CHST11: variants seen among roughly 807,000 people sequenced by gnomAD.
The protein encoded by CHST11 is C4S-1.
Under a neutral mutation model 30.4 loss-of-function variants are expected in CHST11, and 9 were observed. The ratio of observed to expected loss-of-function variants is 0.30; its 90% confidence interval spans 0.18 to 0.52. CHST11 has a LOEUF of 0.52. Among genes scored for constraint, CHST11 ranks in the 20% least tolerant of loss-of-function variants. The pLI, the probability that CHST11 is intolerant of heterozygous loss-of-function variation, is 0.97. For synonymous variants in CHST11, 152 were observed against 187.8 expected, an observed-to-expected ratio of 0.81 and a Z score of 1.56; for missense variants, 348 against 460.6, an observed-to-expected ratio of 0.76 and a Z score of 2.24.
chr12:104,750,403 G>A (rs1416357760), intron 2 of CHST11, among the ~76,000 whole-genome samples: 1 of 91,850 alleles, frequency 1.1e-5, no homozygotes, highest in Non-Finnish European at 2.3e-5. Flanking sequence ...ACTTGTAGTT[G>A]TGTACCTGGT....
intron 2 of CHST11, among the ~76,000 whole-genome samples, chr12:104,743,788 C>T (rs1008907937): frequency 1.4e-4 from 21 of 152,088 alleles, no homozygotes; most frequent in African/African-American, 4.8e-4. Flanking sequence ...CCAAAAGGCC[C>T]CACTGAGTGT....
At chr12:104,483,905 A>G (rs572430646) in intron 1 of CHST11, among the ~76,000 whole-genome samples, 1 of 152,092 alleles carries the variant, frequency 6.6e-6, no homozygotes, top group Non-Finnish European at 1.5e-5. Flanking sequence ...GTGGGGACGT[A>G]GTCTCTGTAG....
At chr12:104,545,377 C>T (rs1427506614) in intron 1 of CHST11, among the ~76,000 whole-genome samples, 2 of 152,186 alleles carry the variant, frequency 1.3e-5, no homozygotes, top group African/African-American at 4.8e-5. Flanking sequence ...ATCATTTCGG[C>T]CTTCCCTTGT....
chr12:104,530,697 A>T (rs1053153775), intron 1 of CHST11, among the ~76,000 whole-genome samples: 1 of 152,222 alleles, frequency 6.6e-6, no homozygotes. Context: ...TCCACTGAAG[A>T]TGTCTTGAAT....
intron 1 of CHST11, among the ~76,000 whole-genome samples, chr12:104,517,032 C>T (rs2038031086): frequency 6.6e-6 from 1 of 152,106 alleles, no homozygotes; most frequent in Non-Finnish European, 1.5e-5. Flanking sequence ...CATTCTCTTT[C>T]CCCCCTTCCA....
chr12:104,512,007 T>C (rs1207359343), intron 1 of CHST11, among the ~76,000 whole-genome samples: 1 of 152,222 alleles, frequency 6.6e-6, no homozygotes, highest in Non-Finnish European at 1.5e-5. Flanking sequence ...ATAACTAATA[T>C]AATGTAAATG....
At chr12:104,538,571 A>T in intron 1 of CHST11, among the ~76,000 whole-genome samples, 1 of 152,168 alleles carries the variant, frequency 6.6e-6, no homozygotes, top group East Asian at 1.9e-4. Flanking sequence ...AACTTTGCCC[A>T]TCCATACCTT....
intron 1 of CHST11, among the ~76,000 whole-genome samples, chr12:104,598,103 T>C (rs931604167): frequency 3.3e-5 from 5 of 152,224 alleles, no homozygotes; most frequent in Admixed American, 6.5e-5. Flanking sequence ...GCTGCCACCA[T>C]CTGGGCCTTG....
intron 2 of CHST11, among the ~76,000 whole-genome samples, chr12:104,627,550 A>C (rs1459370037): frequency 3.9e-5 from 6 of 152,232 alleles, no homozygotes; most frequent in Non-Finnish European, 5.9e-5. Flanking sequence ...CAGGTTATTC[A>C]ACAAGCGCAG....
At chr12:104,738,527 G>A (rs1023464866) in intron 2 of CHST11, among the ~76,000 whole-genome samples, 6 of 152,200 alleles carry the variant, frequency 3.9e-5, no homozygotes, top group Non-Finnish European at 8.8e-5. Flanking sequence ...GGCCTGGTCT[G>A]GCCTTCCTGA....
At chr12:104,497,321 C>T (rs2037808029) in intron 1 of CHST11, among the ~76,000 whole-genome samples, 1 of 152,198 alleles carries the variant, frequency 6.6e-6, no homozygotes, top group African/African-American at 2.4e-5. Context: ...CACGGAGGCA[C>T]CACGGTTGTG....
chr12:104,720,173 C>T (rs2136125923), intron 2 of CHST11, among the ~76,000 whole-genome samples: 1 of 152,380 alleles, frequency 6.6e-6, no homozygotes, highest in Non-Finnish European at 1.5e-5. Flanking sequence ...GCCCTGCAGG[C>T]AGGACAGCTC....
intron 2 of CHST11, among the ~76,000 whole-genome samples, chr12:104,747,302 G>T (rs1259046158): frequency 1.3e-5 from 2 of 152,206 alleles, no homozygotes; most frequent in Non-Finnish European, 2.9e-5. Flanking sequence ...CCCAGACCCG[G>T]TTCCTAGCTC....
intron 2 of CHST11, among the ~76,000 whole-genome samples, chr12:104,718,013 G>A (rs2040144976): frequency 1.3e-5 from 2 of 152,228 alleles, no homozygotes; most frequent in Admixed American, 1.3e-4. Context: ...TAGCCCAGAT[G>A]CAGAATCAGG....
chr12:104,761,107 A>G lies in CHST11; in HGVS notation c.*3304A>G, dbSNP rs1310901836. The G allele has an allele frequency of 1.3e-5, 2 of 152,220 alleles. No homozygotes were observed. Among genetic ancestry groups the G allele is most frequent in the African/African-American group, 4.8e-5 (2 of 41,408 alleles). The allele number at this position is 152,220 out of a possible 1,614,324, so 9.4% of individuals were successfully genotyped here. A position where few individuals can be genotyped will look rare whatever the true frequency, so the allele number is the denominator to read the frequency against. On this transcript the variant is annotated 3_prime_UTR_variant, in exon 3 of 3. Coordinates refer to ENST00000303694, the MANE Select transcript of CHST11 (RefSeq NM_018413.6). Reference sequence around the variant, plus strand: ...TCTAGATGATTCCCGCAGCTCCTCCAGACCCCGCCTCCCTGCCCTCCCCAG... The same window carrying G: ...TCTAGATGATTCCCGCAGCTCCTCCGGACCCCGCCTCCCTGCCCTCCCCAG...
At chr12:104,629,420 C>T (rs2039250872) in intron 2 of CHST11, among the ~76,000 whole-genome samples, 1 of 152,210 alleles carries the variant, frequency 6.6e-6, no homozygotes, top group African/African-American at 2.4e-5. Context: ...GCCAAGAGGA[C>T]AGTCTCTCTG....
intron 2 of CHST11, among the ~76,000 whole-genome samples, chr12:104,696,720 G>T (rs2039950807): frequency 6.6e-6 from 1 of 151,990 alleles, no homozygotes; most frequent in Non-Finnish European, 1.5e-5. Context: ...AATCTCTTTT[G>T]AATCTCCTCT....
chr12:104,736,507 A>T (rs2040302456), intron 2 of CHST11, among the ~76,000 whole-genome samples: 1 of 152,212 alleles, frequency 6.6e-6, no homozygotes, highest in South Asian at 2.1e-4. Flanking sequence ...AGAAGTTCGT[A>T]TAACTTTCAG....
chr12:104,551,808 G>A (rs1157294317), intron 1 of CHST11, among the ~76,000 whole-genome samples: 2 of 152,120 alleles, frequency 1.3e-5, no homozygotes, highest in Non-Finnish European at 2.9e-5. Flanking sequence ...GAGGTTGGGC[G>A]ACGTAGGTGT....
Sources: gnomAD v4.1 joint callset for allele counts (sites outside exome capture counted in the v4.1 genomes callset) on GRCh38, gnomAD v4.1.1 for gene constraint, MANE v1.5 for transcripts, NCBI Gene and HGNC (gene_info 2026-07-23, HGNC 2026-07-21) for gene names.